PTPRT: variants seen among roughly 807,000 people sequenced by gnomAD.
PTPRT encodes the protein protein tyrosine phosphatase receptor type T.
PTPRT carries 56 observed loss-of-function variants against 176.8 expected under a neutral mutation model. That is an observed-to-expected ratio of 0.32 (90% CI 0.26 to 0.40). The LOEUF (loss-of-function observed/expected upper bound fraction) is 0.40. Ranked by LOEUF, PTPRT falls within the 10% of genes least tolerant of loss-of-function variation. The pLI, the probability that PTPRT is intolerant of heterozygous loss-of-function variation, is 1.00. For missense variants in PTPRT, 1,540 were observed against 1,908.2 expected (o/e 0.81, Z 3.60); for synonymous variants, 783 against 739.0 (o/e 1.06, Z -0.96).
chr20:43,136,995 G>A (rs906049535), intron 1 of PTPRT, among the ~76,000 whole-genome samples: 6 of 152,128 alleles, frequency 3.9e-5, no homozygotes, highest in Admixed American at 6.5e-5. Flanking sequence ...TGTTTGGCAG[G>A]AGAACTAATG....
intron 16 of PTPRT, among the ~76,000 whole-genome samples, chr20:42,167,531 T>C (rs1017110767): frequency 1.3e-5 from 2 of 152,234 alleles, no homozygotes; most frequent in African/African-American, 2.4e-5. Context: ...CCAGTATCAA[T>C]GTATTTCTTC....
intron 16 of PTPRT, among the ~76,000 whole-genome samples, chr20:42,190,317 G>T (rs942172006): frequency 1.3e-5 from 2 of 152,084 alleles, no homozygotes; most frequent in African/African-American, 4.8e-5. Context: ...CTCTTAGATT[G>T]TTCACTGTTC....
At chr20:43,016,652 G>C (rs1436533552) in intron 1 of PTPRT, among the ~76,000 whole-genome samples, 1 of 137,488 alleles carries the variant, frequency 7.3e-6, no homozygotes, top group Non-Finnish European at 1.5e-5. Context: ...TAATCCTCCT[G>C]CCTCAGCCTT....
At chr20:42,453,664 T>G (rs1250827546) in intron 8 of PTPRT, among the ~76,000 whole-genome samples, 1 of 139,968 alleles carries the variant, frequency 7.1e-6, no homozygotes, top group Non-Finnish European at 1.5e-5. Flanking sequence ...CTTTTTTTTC[T>G]TTTTCTTTTC....
chr20:42,645,234 G>A (rs2074863104), intron 7 of PTPRT, among the ~76,000 whole-genome samples: 1 of 152,160 alleles, frequency 6.6e-6, no homozygotes, highest in Non-Finnish European at 1.5e-5. Context: ...GAGTCTCCCT[G>A]AATGGAGGGG....
intron 9 of PTPRT, among the ~76,000 whole-genome samples, chr20:42,395,350 A>G (rs146549402): frequency 6.6e-5 from 10 of 152,294 alleles, no homozygotes; most frequent in Non-Finnish European, 1.2e-4. Context: ...AGAAGGACCT[A>G]TGCCGCATCT....
chr20:42,408,720 A>G (rs1257483916), intron 9 of PTPRT, among the ~76,000 whole-genome samples: 1 of 152,236 alleles, frequency 6.6e-6, no homozygotes, highest in East Asian at 1.9e-4. Flanking sequence ...ATTATAAGGA[A>G]AAAGATTATC....
intron 9 of PTPRT, among the ~76,000 whole-genome samples, chr20:42,398,198 A>C (rs868198880): frequency 1.3e-4 from 20 of 152,344 alleles, no homozygotes; most frequent in African/African-American, 4.6e-4. Flanking sequence ...CCTTAATAAA[A>C]CAATAGATTA....
At chr20:42,112,881 G>T (rs929406692) in intron 22 of PTPRT, among the ~76,000 whole-genome samples, 1 of 152,216 alleles carries the variant, frequency 6.6e-6, no homozygotes, top group East Asian at 1.9e-4. Flanking sequence ...AGTGAGAGAG[G>T]AGAAAGCTTC....
In PTPRT at chr20:42,323,568, A is replaced by G. The variant is rs577840230; in HGVS notation, c.1866-7572T>C. ...AGGTGGGAATTGAACCAATGAGAAT[A>G]CATGGACACAGGAAGGGGAACATCA... On this transcript the variant is annotated intron_variant, in intron 11 of 30. Transcript: ENST00000373187. Among the ~76,000 whole-genome samples, 6 of 152,176 alleles carry G rather than the reference A, an allele frequency of 3.9e-5. No individual in the cohort carries two copies. In the East Asian group the frequency reaches 9.7e-4, roughly 25 times the overall value.
At chr20:42,052,637 G>A in the PTPRT span, among the ~76,000 whole-genome samples, 90 of 152,222 alleles carry the variant, frequency 5.9e-4, no homozygotes, top group Non-Finnish European at 1.1e-3. Flanking sequence ...CCAGGAGTAG[G>A]GTTGAGAACA....
intron 2 of PTPRT, among the ~76,000 whole-genome samples, chr20:42,838,170 G>C (rs1360388292): frequency 4.6e-5 from 7 of 152,164 alleles, no homozygotes; most frequent in African/African-American, 1.7e-4. Flanking sequence ...GGGATTACAA[G>C]TGCCCACCAC....
chr20:42,891,828 G>A (rs6030550), intron 1 of PTPRT, among the ~76,000 whole-genome samples: 67 of 152,294 alleles, frequency 4.4e-4, no homozygotes, highest in African/African-American at 1.5e-3. Context: ...ATATATTAAC[G>A]TAGATGTAGG....
intron 9 of PTPRT, among the ~76,000 whole-genome samples, chr20:42,447,257 C>G (rs2070750036): frequency 6.6e-6 from 1 of 152,118 alleles, no homozygotes; most frequent in South Asian, 2.1e-4. Context: ...TGTCTTTCCC[C>G]CTCGTCAGAT....
intron 1 of PTPRT, among the ~76,000 whole-genome samples, chr20:42,947,126 C>T (rs1228783238): frequency 2.0e-5 from 3 of 152,146 alleles, no homozygotes; most frequent in Non-Finnish European, 4.4e-5. Context: ...TTTCCAGGGG[C>T]CAATTATTCA....
In PTPRT at chr20:42,118,436, G is replaced by A. The variant is rs1032558148; in HGVS notation, c.2949C>T (p.Ile983=). 3.7e-6 allele frequency: 6 copies of A among 1,612,904 alleles called. No homozygotes were observed. Among genetic ancestry groups the A allele is most frequent in the East Asian group, 2.2e-5 (1 of 44,804 alleles). The part of the protein sequence containing the change: ...RMIWQENSAS[I]VMVTNLVEVG... ...CTTCCACCAGGTTTGTGACCATGAC[G>A]ATGCTGGCGGAGTTCTCCTGCCAGA... is the stretch of plus-strand genomic sequence containing the variant. Residue 983 remains isoleucine (I), a synonymous_variant, in exon 21 of 31, where the codon ATC becomes ATT. Transcript: ENST00000373187.
intron 14 of PTPRT, among the ~76,000 whole-genome samples, chr20:42,238,768 T>C (rs936180831): frequency 4.6e-5 from 7 of 152,168 alleles, no homozygotes; most frequent in Non-Finnish European, 1.0e-4. Flanking sequence ...GTGGATGGCA[T>C]AGATGACCGA....
intron 1 of PTPRT, among the ~76,000 whole-genome samples, chr20:42,962,893 C>A (rs1425429014): frequency 6.6e-6 from 1 of 152,044 alleles, no homozygotes; most frequent in South Asian, 2.1e-4. Context: ...ATGGTGAAAC[C>A]CAGTCTCTAC....
At chr20:42,064,091 G>A in the PTPRT span, 2 of 150,932 alleles carry the variant, frequency 1.3e-5, no homozygotes, top group South Asian at 4.2e-4. Context: ...ACTGTATATT[G>A]ACAAATAGGA....
Sources: gnomAD v4.1 joint callset for allele counts (sites outside exome capture counted in the v4.1 genomes callset) on GRCh38, gnomAD v4.1.1 for gene constraint, MANE v1.5 for transcripts, NCBI Gene and HGNC (gene_info 2026-07-23, HGNC 2026-07-21) for gene names.